Variants in TPP1 observed in about 807,000 individuals in gnomAD.
The protein encoded by TPP1 is tripeptidyl peptidase 1.
TPP1 carries 43 observed loss-of-function variants against 67.6 expected under a neutral mutation model. The observed-to-expected ratio is 0.64, with a 90% confidence interval of 0.50 to 0.82. TPP1 has a LOEUF of 0.82. Ranked by LOEUF, TPP1 falls within the 40% of genes least tolerant of loss-of-function variation. TPP1 has a pLI of 0.00. For synonymous variants in TPP1, 272 were observed against 281.5 expected, an observed-to-expected ratio of 0.97 and a Z score of 0.34; for missense variants, 671 against 710.9, an observed-to-expected ratio of 0.94 and a Z score of 0.64.
intron 2 of TPP1, 57 bp downstream of exon 2, chr11:6,619,139 C>G (rs1345364959): frequency 6.3e-7 from 1 of 1,599,022 alleles, no homozygotes; most frequent in African/African-American, 1.3e-5. Flanking sequence ...AGGACCAGGA[C>G]AGTGGGAGGC....
chr11:6,619,054 G>A, intron 2 of TPP1, 139 bp from the exon 3 acceptor site: 1 of 1,467,574 alleles, frequency 6.8e-7, no homozygotes, highest in Non-Finnish European at 9.4e-7. Context: ...GTGAATGATA[G>A]GGGACTGAGG....
In TPP1 at chr11:6,619,284, T is replaced by A. The variant is rs771624402; in HGVS notation, c.18-17A>T. On this transcript the variant is annotated splice_polypyrimidine_tract_variant and intron_variant, in intron 1 of 12. Transcript: ENST00000299427. ...CCTAGGAGGCTGTAGGGGCAGCAGG[T>A]GGGTTTCAGTGGGAGCTACGTTGTC... 1 of 1,614,178 alleles carries A rather than the reference T, an allele frequency of 6.2e-7. No individual in the cohort carries two copies. Among genetic ancestry groups the A allele is most frequent in the Non-Finnish European group, 8.5e-7 (1 of 1,180,014 alleles).
rs1456959594 is a variant in TPP1, at chr11:6,616,352, C to G, written c.1038G>C (p.Lys346Asn). 6.2e-7 allele frequency: 1 copy of G among 1,613,584 alleles called. No individual in the cohort carries two copies. Among genetic ancestry groups the G allele is most frequent in the East Asian group, 2.2e-5 (1 of 44,892 alleles). The change falls in exon 8 of 13, where the codon AAG becomes AAC. Residue 346 changes from lysine to asparagine, a missense_variant. Transcript: ENST00000299427. ...GCAGGGTGAGACCCCGAGCGGCAGCCTTCATGAGCTCAGTGTTGACCCGCT... is the reference window on the plus strand; with the variant it reads ...GCAGGGTGAGACCCCGAGCGGCAGCGTTCATGAGCTCAGTGTTGACCCGCT... ...YIQRVNTELMKAAARGLTLLF... is the reference protein window; with the variant it reads ...YIQRVNTELMNAAARGLTLLF...
intron 10 of TPP1, 30 bp downstream of exon 10, chr11:6,615,412 C>A: frequency 6.2e-7 from 1 of 1,614,166 alleles, no homozygotes. Flanking sequence ...CTCACTCTTA[C>A]CCTGCATCCA....
In TPP1 at chr11:6,616,641, T is replaced by G; in HGVS notation, c.886+20A>C. 6.2e-7 allele frequency: 1 copy of G among 1,613,706 alleles called. No homozygotes were observed. ...CCATCTCCCACCCCCTTCCCCACTG[T>G]CCAGTCCTCTTGGTAGTACCAGGGC... On this transcript the variant is annotated intron_variant, in intron 7 of 12. Transcript: ENST00000299427.
intron 4 of TPP1, 55 bp from the exon 5 acceptor site, chr11:6,617,483 C>A: frequency 6.2e-7 from 1 of 1,613,832 alleles, no homozygotes; most frequent in Non-Finnish European, 8.5e-7. Flanking sequence ...AAGAAGCTAC[C>A]TCTGAGCATC....
intron 12 of TPP1, 60 bp downstream of exon 12, chr11:6,614,806 C>G (rs1466150357): frequency 1.2e-5 from 20 of 1,613,710 alleles, no homozygotes; most frequent in East Asian, 4.5e-5. Flanking sequence ...GCCCCCAAGT[C>G]CCCCTTAGCA....
rs1341517000 is a variant in TPP1 at position 6,617,717 on chromosome 11, G to A, written c.289C>T (p.His97Tyr). ...GCCAAGAGCCATTTTTGCACCGTGT[G>A]GAGGGTCAGTGGGGATGGCCTCACC... ...DLVRPSPLTL[H>Y]TVQKWLLAAG... Residue 97 changes from histidine (H) to tyrosine (Y), a missense_variant, in exon 4 of 13, where the codon CAC becomes TAC. His to Tyr is a moderately conservative substitution (Grantham distance 83). Coordinates refer to ENST00000299427, the MANE Select transcript of TPP1 (RefSeq NM_000391.4). 1.9e-6 allele frequency: 3 copies of A among 1,614,222 alleles called. No individual in the cohort carries two copies. The Admixed American group carries it at 5.0e-5, about 27-fold the overall frequency.
At chr11:6,616,942 T>C (rs1268722919) in intron 6 of TPP1, 33 bp downstream of exon 6, 1 of 1,613,924 alleles carries the variant, frequency 6.2e-7, no homozygotes, top group African/African-American at 1.3e-5. Context: ...GTGGGGAGGC[T>C]ATGAGGACCC....
In TPP1 at chr11:6,614,410, T is replaced by C; in HGVS notation, c.*136A>G. The C allele has an allele frequency of 3.2e-6, 4 of 1,250,102 alleles. No individual in the cohort carries two copies. The highest frequency in any genetic ancestry group is 4.5e-6 in the Non-Finnish European group (4 of 879,982). The allele number at this position is 1,250,102 out of a possible 1,614,324, so 77.4% of individuals were successfully genotyped here. A position where few individuals can be genotyped will look rare whatever the true frequency, so the allele number is the denominator to read the frequency against. On this transcript the variant is annotated 3_prime_UTR_variant, in exon 13 of 13. Coordinates refer to ENST00000299427, the MANE Select transcript of TPP1 (RefSeq NM_000391.4). Reference sequence around the variant, plus strand: ...TGGGAGTCAAGTCAAGCTCACAGCATTTCAGGGTTAGGGAGATAAGCTGTC... The same window carrying C: ...TGGGAGTCAAGTCAAGCTCACAGCACTTCAGGGTTAGGGAGATAAGCTGTC...
Position 6,614,690 on chromosome 11 carries a change from G to T in TPP1, c.1552-4C>A. On this transcript the variant is annotated splice_region_variant and splice_polypyrimidine_tract_variant and intron_variant, in intron 12 of 12. Coordinates refer to ENST00000299427, the MANE Select transcript of TPP1 (RefSeq NM_000391.4). ...ACTCATGGCAGCCACGGGTTACCTA[G>T]GGAGGAGGCTGGCATCAGATCTGGG... 6.2e-7 allele frequency: 1 copy of T among 1,614,130 alleles called. No individual in the cohort carries two copies. Among genetic ancestry groups the T allele is most frequent in the African/African-American group, 1.3e-5 (1 of 75,040 alleles).
intron 9 of TPP1, 181 bp downstream of exon 9, chr11:6,615,822 CCA>C: frequency 3.7e-6 from 3 of 811,180 alleles, no homozygotes; most frequent in African/African-American, 1.7e-5. Context: ...GAGCTGTATC[CCA>C]CACAAGAGAT....
chr11:6,615,345 GA>G lies in TPP1; in HGVS notation c.1267-17del. 3 of 1,614,118 alleles carry G rather than the reference GA, an allele frequency of 1.9e-6. No individual in the cohort carries two copies. Among genetic ancestry groups the G allele is most frequent in the Non-Finnish European group, 1.7e-6 (2 of 1,180,002 alleles). On this transcript the variant is annotated splice_polypyrimidine_tract_variant and intron_variant, in intron 10 of 12. Transcript: ENST00000299427. ...CAGCTTCCTCCTGAAAGGCATTTTT[GA>G]GTGAGTATTGGCATGTGGCCTGCCC...
chr11:6,615,630 G>A, intron 9 of TPP1, 68 bp from the exon 10 acceptor site: 1 of 1,597,312 alleles, frequency 6.3e-7, no homozygotes, highest in Non-Finnish European at 8.6e-7. Flanking sequence ...GTGGGGAGGG[G>A]TGAGTATAGC....
rs959142275 is a variant in TPP1, at chr11:6,614,998, G to C, written c.1426-7C>G. On this transcript the variant is annotated splice_region_variant and splice_polypyrimidine_tract_variant and intron_variant, in intron 11 of 12. Coordinates refer to ENST00000299427, the MANE Select transcript of TPP1 (RefSeq NM_000391.4). ...CAAACACTGGAGTAGAGGCCTACAA[G>C]AGTGAAGGTGCAAGTAGAGGTCAGG... 6.2e-7 allele frequency: 1 copy of C among 1,614,156 alleles called. No individual in the cohort carries two copies. Among genetic ancestry groups the C allele is most frequent in the African/African-American group, 1.3e-5 (1 of 75,036 alleles).
rs1216441144 is a variant in TPP1 at position 6,619,388 on chromosome 11, C to T, written c.13G>A (p.Ala5Thr). Residue 5 changes from alanine to threonine, a missense_variant, in exon 1 of 13, where the codon GCC becomes ACC. Ala to Thr is a moderately conservative substitution (Grantham distance 58, BLOSUM62 0). Coordinates refer to ENST00000299427, the MANE Select transcript of TPP1 (RefSeq NM_000391.4). ...CGAGCCCTCTCAATTTCTCACCAGG[C>T]TTGGAGTCCCATTCTGCCCTTCCGC... is the stretch of plus-strand genomic sequence containing the variant. MGLQ[A>T]CLLGLFALIL... The T allele has an allele frequency of 1.9e-6, 3 of 1,614,224 alleles. No individual in the cohort carries two copies. Among genetic ancestry groups the T allele is most frequent in the East Asian group, 2.2e-5 (1 of 44,886 alleles).
intron 3 of TPP1, chr11:6,618,166 A>G (rs1232763533): frequency 1.2e-4 from 42 of 355,786 alleles, no homozygotes; most frequent in South Asian, 1.9e-4. Flanking sequence ...GTTGATTTTA[A>G]GCTTAACACG....
chr11:6,617,435 G>T lies in TPP1; in HGVS notation c.381-7C>A. 6.2e-7 allele frequency: 1 copy of T among 1,613,442 alleles called. No individual in the cohort carries two copies. Among genetic ancestry groups the T allele is most frequent in the South Asian group, 1.1e-5 (1 of 91,084 alleles). On this transcript the variant is annotated splice_polypyrimidine_tract_variant and splice_region_variant and intron_variant, in intron 4 of 12. Transcript: ENST00000299427. ...GAGCAGCAGCTCTGCTTGTCTGGAG[G>T]TCAGAGAACAGAGGTCAGAAAGCTC...
In TPP1 at chr11:6,615,223, C is replaced by T. The variant is rs1855560526; in HGVS notation, c.1373G>A (p.Gly458Asp). The T allele has an allele frequency of 6.2e-7, 1 of 1,614,044 alleles. No individual in the cohort carries two copies. The highest frequency in any genetic ancestry group is 1.3e-5 in the African/African-American group (1 of 74,892). ...CACTCTGTTGCTGACCACCCAGTAG[C>T]CATCAGAAAGTGCAGCCACATCTGG... ...AYPDVAALSD[G>D]YWVVSNRVPI... is the part of the protein sequence containing the mutation. Residue 458 changes from glycine to aspartate, a missense_variant, in exon 11 of 13, where the codon GGC (glycine) becomes GAC (aspartate). Gly to Asp is a moderately conservative substitution (Grantham distance 94). Transcript: ENST00000299427.
Sources: gnomAD v4.1 joint callset for allele counts on GRCh38, gnomAD v4.1.1 for gene constraint, MANE v1.5 for transcripts, NCBI Gene and HGNC (gene_info 2026-07-23, HGNC 2026-07-21) for gene names.